SLIT3: variants seen among roughly 807,000 people sequenced by gnomAD.
SLIT3 encodes the protein slit guidance ligand 3.
In SLIT3, 68 loss-of-function variants were observed where a neutral mutation model predicts 184.0. The observed-to-expected ratio is 0.37, with a 90% confidence interval of 0.30 to 0.45. SLIT3 has a LOEUF of 0.45. Among genes scored for constraint, SLIT3 ranks in the 20% least tolerant of loss-of-function variants. The probability of loss-of-function intolerance (pLI) is 1.00; values close to 1 mark genes in which losing one functional copy is unlikely to be tolerated. For missense variants in SLIT3, 1,707 were observed against 2,026.0 expected (o/e 0.84, Z 3.02); for synonymous variants, 831 against 828.6 (o/e 1.00, Z -0.05).
chr5:169,102,854 G>A (rs1760069517), intron 4 of SLIT3, among the ~76,000 whole-genome samples: 1 of 152,186 alleles, frequency 6.6e-6, no homozygotes, highest in Admixed American at 6.5e-5. Flanking sequence ...GATATCTGAC[G>A]AAATACCTGA....
At chr5:168,927,368 G>A (rs974049585) in intron 4 of SLIT3, among the ~76,000 whole-genome samples, 5 of 152,122 alleles carry the variant, frequency 3.3e-5, no homozygotes, top group Non-Finnish European at 7.3e-5. Flanking sequence ...GGGGTAGGAG[G>A]GGATAGGGAG....
intron 4 of SLIT3, among the ~76,000 whole-genome samples, chr5:169,168,718 T>C (rs1437639908): frequency 1.3e-5 from 2 of 152,198 alleles, no homozygotes; most frequent in African/African-American, 2.4e-5. Context: ...TTCATACTTT[T>C]AAACCACTCA....
intron 4 of SLIT3, among the ~76,000 whole-genome samples, chr5:168,905,876 A>AAAG (rs1181845791): frequency 6.6e-6 from 1 of 151,828 alleles, no homozygotes; most frequent in Non-Finnish European, 1.5e-5. Flanking sequence ...TTGACTTTGG[A>AAAG]AAGAAGAAGG....
chr5:168,907,873 CATATAG>C (rs1258622716), intron 4 of SLIT3, among the ~76,000 whole-genome samples: 1 of 140,054 alleles, frequency 7.1e-6, no homozygotes, highest in Non-Finnish European at 1.5e-5. Context: ...TCTATAGATA[CATATAG>C]ATATATGATA....
chr5:168,960,126 C>T (rs1325904631), intron 4 of SLIT3, among the ~76,000 whole-genome samples: 1 of 152,180 alleles, frequency 6.6e-6, no homozygotes, highest in African/African-American at 2.4e-5. Flanking sequence ...GGTCAAATGA[C>T]TGTCTTGCCT....
chr5:168,897,647 T>TGCACACACACACACACACACAC (rs3223457), intron 4 of SLIT3, among the ~76,000 whole-genome samples: 6,626 of 141,014 alleles, frequency 0.047, 325 homozygotes, highest in Middle Eastern at 0.077. Context: ...CAGGTGCACG[T>TGCACACACACACACACACACAC]ACACACACAC....
Position 168,741,881 on chromosome 5 carries a change from A to G in SLIT3, c.2270+6421T>C, listed in dbSNP as rs148046356. Among the ~76,000 whole-genome samples, 291 of 137,742 alleles carry G rather than the reference A, an allele frequency of 2.1e-3. 12 individuals carry two copies. In the East Asian group the frequency reaches 0.052, roughly 24 times the overall value. 90.4% of individuals were successfully genotyped at this position (137,742 alleles called of 152,430 possible). A position where few individuals can be genotyped will look rare whatever the true frequency, so the allele number is the denominator to read the frequency against. ...TGTTATCCCCATTTCACAGATCAGT[A>G]AATAGAGGTTGAATGAGATTAAGTA... On this transcript the variant is annotated intron_variant, in intron 20 of 35. Transcript: ENST00000519560.
intron 20 of SLIT3, among the ~76,000 whole-genome samples, chr5:168,740,215 G>A (rs1282133658): frequency 6.6e-6 from 1 of 152,244 alleles, no homozygotes; most frequent in South Asian, 2.1e-4. Flanking sequence ...ACTTCAAAGA[G>A]CACTTGCAAG....
chr5:168,901,975 C>T (rs1038670226), intron 4 of SLIT3, among the ~76,000 whole-genome samples: 2 of 152,194 alleles, frequency 1.3e-5, no homozygotes, highest in East Asian at 1.9e-4. Flanking sequence ...GATCTCGGCT[C>T]ACTGCAACCT....
intron 4 of SLIT3, among the ~76,000 whole-genome samples, chr5:169,031,212 G>T (rs1391249632): frequency 6.6e-6 from 1 of 152,136 alleles, no homozygotes; most frequent in East Asian, 1.9e-4. Flanking sequence ...AGTGAAAACT[G>T]CACTTTGTCC....
At chr5:168,741,181 C>T (rs1278305065) in intron 20 of SLIT3, among the ~76,000 whole-genome samples, 1 of 152,136 alleles carries the variant, frequency 6.6e-6, no homozygotes, top group African/African-American at 2.4e-5. Context: ...ACTCAAGAAT[C>T]CATGTGCCTC....
At chr5:168,705,045 G>A (rs1762336397) in intron 26 of SLIT3, among the ~76,000 whole-genome samples, 1 of 152,204 alleles carries the variant, frequency 6.6e-6, no homozygotes, top group Non-Finnish European at 1.5e-5. Context: ...CCAAGGTCAT[G>A]CATCACATAG....
chr5:168,703,944 C>CA (rs70976498), intron 26 of SLIT3, among the ~76,000 whole-genome samples: 6,945 of 46,784 alleles, frequency 0.15, 1,237 homozygotes, highest in Non-Finnish European at 0.21. Flanking sequence ...ACTCTGTCTC[C>CA]AAAAAAAAAA....
At chr5:169,286,629 G>T (rs1203932554) in intron 1 of SLIT3, among the ~76,000 whole-genome samples, 1 of 152,182 alleles carries the variant, frequency 6.6e-6, no homozygotes, top group Non-Finnish European at 1.5e-5. Context: ...CAGAGGTACG[G>T]CCAGGTCGCC....
intron 4 of SLIT3, among the ~76,000 whole-genome samples, chr5:169,118,542 C>T (rs559586049): frequency 1.3e-5 from 2 of 152,010 alleles, no homozygotes; most frequent in South Asian, 2.1e-4. Context: ...TAGGCAGGAC[C>T]GAGTCAAGAC....
intron 4 of SLIT3, among the ~76,000 whole-genome samples, chr5:169,084,088 C>T (rs979981438): frequency 6.6e-6 from 1 of 152,076 alleles, no homozygotes; most frequent in East Asian, 1.9e-4. Context: ...TTCTGGAATC[C>T]TCAACTCTTG....
intron 4 of SLIT3, among the ~76,000 whole-genome samples, chr5:169,068,263 T>A (rs1758424478): frequency 6.6e-6 from 1 of 152,198 alleles, no homozygotes; most frequent in East Asian, 1.9e-4. Context: ...ATATAACATT[T>A]CTTCACTTAT....
At chr5:168,810,066 T>C (rs1757113081) in intron 8 of SLIT3, among the ~76,000 whole-genome samples, 1 of 152,192 alleles carries the variant, frequency 6.6e-6, no homozygotes, top group Non-Finnish European at 1.5e-5. Flanking sequence ...TCTACTGAGC[T>C]CTGTCAGCAA....
intron 1 of SLIT3, among the ~76,000 whole-genome samples, chr5:169,282,573 G>C (rs962794536): frequency 6.6e-6 from 1 of 152,100 alleles, no homozygotes; most frequent in African/African-American, 2.4e-5. Flanking sequence ...TCACATTTTT[G>C]TATATTCTAT....
Sources: allele counts gnomAD v4.1 joint callset (sites outside exome capture counted in the v4.1 genomes callset), GRCh38; gene constraint gnomAD v4.1.1; transcripts MANE v1.5; gene names NCBI Gene and HGNC (gene_info 2026-07-23, HGNC 2026-07-21).